The following TMEM170B variants were observed in gnomAD, a reference collection of about 807,000 sequenced individuals.
TMEM170B encodes the protein transmembrane protein 170B.
A neutral mutation model predicts 13.0 loss-of-function variants in TMEM170B; 6 were observed. The ratio of observed to expected loss-of-function variants is 0.46; its 90% CI spans 0.25 to 0.91. The LOEUF (loss-of-function observed/expected upper bound fraction) is 0.91. Among genes scored for constraint, TMEM170B ranks in the 40% least tolerant of loss-of-function variants. The pLI, the probability that TMEM170B is intolerant of heterozygous loss-of-function variation, is 0.17. For synonymous variants in TMEM170B, 61 were observed against 64.9 expected, an observed-to-expected ratio of 0.94 and a Z score of 0.29; for missense variants, 138 against 165.2, an observed-to-expected ratio of 0.84 and a Z score of 0.90.
At chr6:11,562,462 A>G (rs901662244) in intron 1 of TMEM170B, among the ~76,000 whole-genome samples, 4 of 151,148 alleles carry the variant, frequency 2.6e-5, no homozygotes, top group African/African-American at 7.3e-5. Flanking sequence ...AAAATATATC[A>G]GATGTATCTT....
intron 1 of TMEM170B, among the ~76,000 whole-genome samples, chr6:11,542,872 A>T: frequency 6.6e-6 from 1 of 152,192 alleles, no homozygotes; most frequent in Non-Finnish European, 1.5e-5. Flanking sequence ...CACTTTACAT[A>T]TATTATTTCT....
chr6:11,538,725 C>T (rs1759319083), intron 1 of TMEM170B, among the ~76,000 whole-genome samples: 1 of 152,246 alleles, frequency 6.6e-6, no homozygotes, highest in Non-Finnish European at 1.5e-5. Context: ...CCTCCCCTCC[C>T]CCTTCTACAC....
Position 11,546,034 on chromosome 6 carries a change from A to AAC in TMEM170B, c.97+7661_97+7662insCA, listed in dbSNP as rs1160759911. Among the ~76,000 whole-genome samples, 228 of 149,566 alleles carry AAC rather than the reference A, an allele frequency of 1.5e-3. 1 individual carries two copies. Among genetic ancestry groups the AAC allele is most frequent in the African/African-American group, 5.2e-3 (214 of 40,828 alleles). ...CTTTAAAAAAAAAAAAAAAAAAAAAAAGGCAAGCTGTAAAACAGCCTCAGG... is the reference window on the plus strand; with the variant it reads ...CTTTAAAAAAAAAAAAAAAAAAAAAAACAGGCAAGCTGTAAAACAGCCTCAGG... On this transcript the variant is annotated intron_variant, in intron 1 of 2. Transcript: ENST00000379426.
At chr6:11,573,351 T>C (rs1759829122) in intron 2 of TMEM170B, among the ~76,000 whole-genome samples, 1 of 152,188 alleles carries the variant, frequency 6.6e-6, no homozygotes, top group Admixed American at 6.6e-5. Context: ...TCCAACACCA[T>C]TTATTGAATG....
Position 11,554,406 on chromosome 6 carries a change from A to C in TMEM170B, c.98-11260A>C, listed in dbSNP as rs576532657. Reference sequence around the variant, plus strand: ...TCAGATTTTGACATTTAATCCTTACACTTTTTATCTGAGTAAAAATCACTG... The same window carrying C: ...TCAGATTTTGACATTTAATCCTTACCCTTTTTATCTGAGTAAAAATCACTG... On this transcript the variant is annotated intron_variant, in intron 1 of 2. Transcript: ENST00000379426. Among the ~76,000 whole-genome samples, 3 of 152,044 alleles carry C rather than the reference A, an allele frequency of 2.0e-5. No individual in the cohort carries two copies. In the South Asian group the frequency reaches 6.2e-4, roughly 32 times the overall value.
At chr6:11,563,831 G>A (rs1039472278) in intron 1 of TMEM170B, among the ~76,000 whole-genome samples, 2 of 152,278 alleles carry the variant, frequency 1.3e-5, no homozygotes, top group African/African-American at 2.4e-5. Context: ...CTAGCCAGGC[G>A]TGGTGGCCCA....
Position 11,554,505 on chromosome 6 carries a change from C to T in TMEM170B, c.98-11161C>T, listed in dbSNP as rs1044545944. Among the ~76,000 whole-genome samples the T allele has an allele frequency of 2.6e-5, 4 of 152,002 alleles. 1 individual carries two copies. In the South Asian group the frequency reaches 8.3e-4, roughly 31 times the overall value. ...AATTGAATGGCATCTTTTAGGAAGACAGTGCTGTGGCTTAAATATAGAGCA... is the reference window on the plus strand; with the variant it reads ...AATTGAATGGCATCTTTTAGGAAGATAGTGCTGTGGCTTAAATATAGAGCA... On this transcript the variant is annotated intron_variant, in intron 1 of 2. Transcript: ENST00000379426.
At chr6:11,539,704 A>G (rs576359051) in intron 1 of TMEM170B, among the ~76,000 whole-genome samples, 1 of 152,364 alleles carries the variant, frequency 6.6e-6, no homozygotes, top group African/African-American at 2.4e-5. Context: ...CTAAATGGAC[A>G]TAAAGACCAT....
chr6:11,547,666 C>T lies in TMEM170B; in HGVS notation c.97+9292C>T, dbSNP rs560844303. On this transcript the variant is annotated intron_variant, in intron 1 of 2. Transcript: ENST00000379426. ...TGAAAATGCTATAATTTTTAAAAAC[C>T]GAAATTGTCATTAGGGATTTTTTTT... Among the ~76,000 whole-genome samples, 126 of 152,024 alleles carry T rather than the reference C, an allele frequency of 8.3e-4. 1 individual carries two copies. The highest frequency in any genetic ancestry group is 2.8e-3 in the African/African-American group (117 of 41,476).
Position 11,547,341 on chromosome 6 carries a change from T to G in TMEM170B, c.97+8967T>G, listed in dbSNP as rs552358708. Among the ~76,000 whole-genome samples, 5 of 152,330 alleles carry G rather than the reference T, an allele frequency of 3.3e-5. No homozygotes were observed. In the East Asian group the frequency reaches 9.6e-4, roughly 29 times the overall value. On this transcript the variant is annotated intron_variant, in intron 1 of 2. Coordinates refer to ENST00000379426, the MANE Select transcript of TMEM170B (RefSeq NM_001100829.3). ...GAAGGCATGCTTCTCTTGGGGTTAC[T>G]CTGTATTCTAGCTTACCATTAGGTT...
At chr6:11,540,952 A>G (rs1165417394) in intron 1 of TMEM170B, among the ~76,000 whole-genome samples, 2 of 152,226 alleles carry the variant, frequency 1.3e-5, no homozygotes, top group East Asian at 3.8e-4. Flanking sequence ...ATTGAAGAAA[A>G]TACTCATTAA....
chr6:11,573,015 A>AT (rs1436273695), intron 2 of TMEM170B, among the ~76,000 whole-genome samples: 2 of 152,052 alleles, frequency 1.3e-5, no homozygotes, highest in African/African-American at 2.4e-5. Context: ...TTTTTGTTTG[A>AT]TTACAGAAAT....
rs1053758379 is a variant in TMEM170B, at chr6:11,577,051, A to G, written c.*1490A>G. 2.0e-5 allele frequency: 3 copies of G among 152,122 alleles called. No individual in the cohort carries two copies. Among genetic ancestry groups the G allele is most frequent in the Non-Finnish European group, 4.4e-5 (3 of 67,966 alleles). 9.4% of individuals were successfully genotyped at this position (152,122 alleles called of 1,614,324 possible). A position where few individuals can be genotyped will look rare whatever the true frequency, so the allele number is the denominator to read the frequency against. On this transcript the variant is annotated 3_prime_UTR_variant, in exon 3 of 3. Transcript: ENST00000379426. ...AATATGAAGTTAAGGATAATCCAAA[A>G]ATAACCTGGTAGCCTTGCTGTTTAA...
rs183140258 is a variant in TMEM170B at position 11,576,128 on chromosome 6, C to T, written c.*567C>T. 1,210 of 152,100 alleles carry T rather than the reference C, an allele frequency of 8.0e-3. 1 individual carries two copies. The highest frequency in any genetic ancestry group is 0.013 in the Non-Finnish European group (881 of 68,170). The allele number at this position is 152,100 out of a possible 1,614,324, so 9.4% of individuals were successfully genotyped here. On this transcript the variant is annotated 3_prime_UTR_variant, in exon 3 of 3. Coordinates refer to ENST00000379426, the MANE Select transcript of TMEM170B (RefSeq NM_001100829.3). The stretch of plus-strand genomic sequence containing the variant: ...TGTTGCGCGTTTCTGGGATTTAGGG[C>T]TTCAATATGTTTAGGTATTATTGTT...
intron 2 of TMEM170B, among the ~76,000 whole-genome samples, chr6:11,571,430 T>C (rs1759800505): frequency 6.6e-6 from 1 of 152,204 alleles, no homozygotes; most frequent in South Asian, 2.1e-4. Context: ...CAGTGTTTTC[T>C]GTCTGCTGAT....
At chr6:11,551,322 A>G (rs559839672) in intron 1 of TMEM170B, among the ~76,000 whole-genome samples, 3 of 152,198 alleles carry the variant, frequency 2.0e-5, no homozygotes, top group East Asian at 1.9e-4. Context: ...GCTGTATTCT[A>G]TTGGTCATAC....
chr6:11,571,101 G>A (rs1460361372), intron 2 of TMEM170B, among the ~76,000 whole-genome samples: 1 of 150,210 alleles, frequency 6.7e-6, no homozygotes, highest in Non-Finnish European at 1.5e-5. Context: ...CCTTAACCTT[G>A]TTCTATTTTT....
Position 11,543,596 on chromosome 6 carries a change from A to G in TMEM170B, c.97+5222A>G, listed in dbSNP as rs540945693. On this transcript the variant is annotated intron_variant, in intron 1 of 2. Transcript: ENST00000379426. ...AGTGAAAAAGTCATTATCTTTTTTC[A>G]TAATATGATAACACATATGTTAACT... 4.7e-4 allele frequency among the ~76,000 whole-genome samples: 71 copies of G among 152,322 alleles called. No homozygotes were observed. In the South Asian group the frequency reaches 8.9e-3, roughly 19 times the overall value.
At chr6:11,541,116 G>T (rs1370951119) in intron 1 of TMEM170B, among the ~76,000 whole-genome samples, 1 of 152,046 alleles carries the variant, frequency 6.6e-6, no homozygotes, top group East Asian at 1.9e-4. Flanking sequence ...TCTCAAGGGC[G>T]CCAGAATGGT....
Sources: allele counts gnomAD v4.1 joint callset (sites outside exome capture counted in the v4.1 genomes callset), GRCh38; gene constraint gnomAD v4.1.1; transcripts MANE v1.5; gene names NCBI Gene and HGNC (gene_info 2026-07-23, HGNC 2026-07-21).